TXNRD2: variants seen among roughly 807,000 people sequenced by gnomAD.
The protein encoded by TXNRD2 is thioredoxin reductase 2, also known as thioredoxin reductase 2, mitochondrial.
In TXNRD2, 67 loss-of-function variants were observed where a neutral mutation model predicts 70.8. The ratio of observed to expected loss-of-function variants is 0.95; its 90% CI spans 0.78 to 1.16. The LOEUF (loss-of-function observed/expected upper bound fraction) is 1.16. TXNRD2 is among the 50% of genes most tolerant of loss of function. The pLI is 0.00. For synonymous variants in TXNRD2, 301 were observed against 295.8 expected, an observed-to-expected ratio of 1.02 and a Z score of -0.18; for missense variants, 644 against 719.9, an observed-to-expected ratio of 0.89 and a Z score of 1.21.
chr22:19,938,627 G>A lies in TXNRD2; in HGVS notation c.103+3074C>T, dbSNP rs138054879. Reference sequence around the variant, plus strand: ...ATTTATCTTGGCTTGCACTGGCCCTGATGGTCAAAAGGGAACAATTCAGCC... The same window carrying A: ...ATTTATCTTGGCTTGCACTGGCCCTAATGGTCAAAAGGGAACAATTCAGCC... On this transcript the variant is annotated intron_variant, in intron 1 of 17. Coordinates refer to ENST00000400521, the MANE Select transcript of TXNRD2 (RefSeq NM_006440.5). Among the ~76,000 whole-genome samples the A allele has an allele frequency of 5.3e-3, 806 of 152,316 alleles. 8 individuals are homozygous for A. The highest frequency in any genetic ancestry group is 0.027 in the Middle Eastern group (8 of 294).
intron 2 of TXNRD2, among the ~76,000 whole-genome samples, chr22:19,922,187 G>A (rs188942824): frequency 1.2e-4 from 18 of 152,228 alleles, no homozygotes; most frequent in African/African-American, 3.9e-4. Flanking sequence ...AATGGAGACT[G>A]ACTTGGAACA....
chr22:19,936,909 T>C (rs1212057196), intron 1 of TXNRD2, among the ~76,000 whole-genome samples: 3 of 152,226 alleles, frequency 2.0e-5, no homozygotes, highest in Non-Finnish European at 2.9e-5. Flanking sequence ...GTGGGCTTAT[T>C]CGGTCATGCT....
At chr22:19,902,624 C>A (rs1939829294) in intron 8 of TXNRD2, among the ~76,000 whole-genome samples, 1 of 152,230 alleles carries the variant, frequency 6.6e-6, no homozygotes, top group Non-Finnish European at 1.5e-5. Context: ...CCCCACCCAA[C>A]CCCTCAGGGG....
intron 16 of TXNRD2, 31 bp downstream of exon 16, chr22:19,878,059 C>A (rs369539445): frequency 6.3e-7 from 1 of 1,583,644 alleles, no homozygotes; most frequent in Admixed American, 1.7e-5. Context: ...AGCTGCACAT[C>A]GCATCGCAGC....
intron 2 of TXNRD2, among the ~76,000 whole-genome samples, chr22:19,924,281 C>T (rs758443015): frequency 3.9e-5 from 6 of 152,190 alleles, no homozygotes; most frequent in Admixed American, 2.0e-4. Flanking sequence ...TTGATCCAAG[C>T]GAGGCTGAAA....
chr22:19,936,032 T>C (rs916794680), intron 1 of TXNRD2, among the ~76,000 whole-genome samples: 1 of 152,212 alleles, frequency 6.6e-6, no homozygotes, highest in African/African-American at 2.4e-5. Flanking sequence ...GTCACCCTAT[T>C]CAGGGCAGTG....
chr22:19,902,725 A>G (rs1939833318), intron 8 of TXNRD2, among the ~76,000 whole-genome samples: 1 of 152,218 alleles, frequency 6.6e-6, no homozygotes, highest in South Asian at 2.1e-4. Context: ...AGGGACGCAC[A>G]CAGAGAGGTG....
intron 5 of TXNRD2, among the ~76,000 whole-genome samples, chr22:19,916,790 G>A (rs1027417805): frequency 2.6e-5 from 4 of 151,616 alleles, no homozygotes; most frequent in African/African-American, 9.7e-5. Context: ...ATTTTTTGTA[G>A]GGATGTAGCA....
At chr22:19,917,690 T>C (rs1940699423) in intron 5 of TXNRD2, among the ~76,000 whole-genome samples, 1 of 152,194 alleles carries the variant, frequency 6.6e-6, no homozygotes, top group African/African-American at 2.4e-5. Flanking sequence ...TAGGGACATT[T>C]GCTCCAGCGG....
chr22:19,899,093 A>G (rs1273845625), intron 8 of TXNRD2, 25 bp from the exon 9 acceptor site: 4 of 1,606,960 alleles, frequency 2.5e-6, no homozygotes, highest in African/African-American at 1.3e-5. Context: ...GAGAGAGAGC[A>G]CATGTAAAGC....
rs1940763346 is a variant in TXNRD2 at position 19,918,928 on chromosome 22, C to T, written c.306G>A (p.Leu102=). 3 of 1,613,074 alleles carry T rather than the reference C, an allele frequency of 1.9e-6. No homozygotes were observed. Among genetic ancestry groups the T allele is most frequent in the Non-Finnish European group, 1.7e-6 (2 of 1,180,000 alleles). ...GGGCATCTTGGATCAGGCCTCCCAG[C>T]AGTGCCGCCTGGTGCATCAGCTTCT... is the stretch of plus-strand genomic sequence containing the variant. ...IPKKLMHQAA[L]LGGLIQDAPN... The change falls in exon 4 of 18, where the codon CTG becomes CTA. Residue 102 remains leucine (L), a synonymous_variant. Transcript: ENST00000400521.
intron 1 of TXNRD2, among the ~76,000 whole-genome samples, chr22:19,940,315 G>A (rs1941667079): frequency 6.6e-6 from 1 of 151,544 alleles, no homozygotes; most frequent in African/African-American, 2.4e-5. Flanking sequence ...GGCACGAAAG[G>A]GCTATTTAAA....
chr22:19,903,134 A>G (rs1335338081), intron 8 of TXNRD2: 3 of 470,336 alleles, frequency 6.4e-6, no homozygotes, highest in African/African-American at 5.9e-5. Context: ...CCCAGGGCCC[A>G]GTGTGTGGGC....
At chr22:19,917,711 G>C (rs1183182634) in intron 5 of TXNRD2, among the ~76,000 whole-genome samples, 1 of 152,184 alleles carries the variant, frequency 6.6e-6, no homozygotes, top group Non-Finnish European at 1.5e-5. Context: ...AAAGCACCAA[G>C]CTCCTGCACC....
chr22:19,932,685 C>T (rs1941411593), intron 1 of TXNRD2: 2 of 823,222 alleles, frequency 2.4e-6, no homozygotes, highest in Admixed American at 6.8e-5. Flanking sequence ...CAAGTAGTGC[C>T]CTCAGCCCCT....
At chr22:19,894,982 A>AAG in intron 11 of TXNRD2, 1 of 1,470,560 alleles carries the variant, frequency 6.8e-7, no homozygotes, top group East Asian at 2.5e-5. Flanking sequence ...AAAAAAAAAA[A>AAG]AAAAGAAAAG....
At chr22:19,934,966 G>A (rs1941491178) in intron 1 of TXNRD2, among the ~76,000 whole-genome samples, 2 of 152,154 alleles carry the variant, frequency 1.3e-5, no homozygotes, top group Non-Finnish European at 2.9e-5. Context: ...TGTGATAATT[G>A]TGTTAACTGT....
intron 1 of TXNRD2, among the ~76,000 whole-genome samples, chr22:19,939,431 A>G (rs567038989): frequency 6.6e-6 from 1 of 152,288 alleles, no homozygotes; most frequent in South Asian, 2.1e-4. Context: ...GTTTTATTTA[A>G]TAATTATCTT....
intron 3 of TXNRD2, 38 bp downstream of exon 3, chr22:19,919,505 T>C (rs756994812): frequency 5.3e-5 from 82 of 1,549,282 alleles, no homozygotes; most frequent in Non-Finnish European, 6.8e-5. Context: ...TCCCACCTCC[T>C]TCCCCAGGAC....
Sources: allele counts gnomAD v4.1 joint callset (sites outside exome capture counted in the v4.1 genomes callset), GRCh38; gene constraint gnomAD v4.1.1; transcripts MANE v1.5; gene names NCBI Gene and HGNC (gene_info 2026-07-23, HGNC 2026-07-21).